LCP1: variants seen among roughly 807,000 people sequenced by gnomAD.
LCP1 encodes the protein lymphocyte cytosolic protein 1.
LCP1 carries 23 observed loss-of-function variants against 72.0 expected under a neutral mutation model. That is an observed-to-expected ratio of 0.32 (90% CI 0.23 to 0.45). LCP1 has a LOEUF of 0.45. Among genes scored for constraint, LCP1 ranks in the 20% least tolerant of loss-of-function variants. LCP1 has a pLI of 1.00. For synonymous variants in LCP1, 245 were observed against 275.4 expected, an observed-to-expected ratio of 0.89 and a Z score of 1.09; for missense variants, 571 against 748.3, an observed-to-expected ratio of 0.76 and a Z score of 2.76.
chr13:46,145,782 GC>G lies in LCP1; in HGVS notation c.1174+1125del, dbSNP rs1228859931. On this transcript the variant is annotated intron_variant, in intron 10 of 15. Transcript: ENST00000323076. ...AAATTAGCCGGGCGTAGTGGCGGGC[GC>G]CTGTAGTCCCAGCTACTTGGGAGGC... Among the ~76,000 whole-genome samples, 2 of 115,278 alleles carry G rather than the reference GC, an allele frequency of 1.7e-5. 1 individual carries two copies. Among genetic ancestry groups the G allele is most frequent in the Non-Finnish European group, 3.5e-5 (2 of 56,558 alleles). 75.6% of individuals were successfully genotyped at this position (115,278 alleles called of 152,430 possible). A position where few individuals can be genotyped will look rare whatever the true frequency, so the allele number is the denominator to read the frequency against.
At chr13:46,139,439 C>G (rs188363377) in intron 13 of LCP1, among the ~76,000 whole-genome samples, 1 of 152,256 alleles carries the variant, frequency 6.6e-6, no homozygotes, top group South Asian at 2.1e-4. Flanking sequence ...GATCTGCAGA[C>G]AGTGGCTTGG....
At chr13:46,147,130 C>A in intron 9 of LCP1, 27 bp from the exon 10 acceptor site, 1 of 1,542,744 alleles carries the variant, frequency 6.5e-7, no homozygotes, top group South Asian at 1.3e-5. Context: ...TGTCTCAGGG[C>A]TGGGTCAAGG....
chr13:46,156,161 T>G (rs763666216), intron 5 of LCP1, among the ~76,000 whole-genome samples: 57 of 152,238 alleles, frequency 3.7e-4, no homozygotes, highest in Admixed American at 6.5e-4. Context: ...TGATTAGACA[T>G]CTAATGCTTT....
intron 13 of LCP1, 49 bp from the exon 14 acceptor site, chr13:46,134,299 A>C: frequency 6.3e-7 from 1 of 1,579,148 alleles, no homozygotes; most frequent in Non-Finnish European, 8.6e-7. Flanking sequence ...TAAAGAATTT[A>C]ATATAAACAA....
Position 46,128,742 on chromosome 13 carries a change from G to T in LCP1, c.1752-1019C>A, listed in dbSNP as rs558113597. On this transcript the variant is annotated intron_variant, in intron 15 of 15. Transcript: ENST00000323076. ...TATATTCCATATTTTCACATAGAAT[G>T]ATAATAGCTGCATCAGAACATTTTT... is the stretch of plus-strand genomic sequence containing the variant. Among the ~76,000 whole-genome samples the T allele has an allele frequency of 7.2e-5, 11 of 152,266 alleles. No homozygotes were observed. The South Asian group carries it at 1.9e-3, about 26-fold the overall frequency.
intron 1 of LCP1, among the ~76,000 whole-genome samples, chr13:46,176,542 A>G (rs1474411112): frequency 2.0e-5 from 3 of 152,206 alleles, no homozygotes; most frequent in Non-Finnish European, 4.4e-5. Context: ...TACAAATAAC[A>G]TTTGTGTATC....
At chr13:46,142,832 A>G (rs1471895053) in intron 12 of LCP1, 1 of 454,936 alleles carries the variant, frequency 2.2e-6, no homozygotes, top group Non-Finnish European at 4.4e-6. Flanking sequence ...ATATTCCTGT[A>G]GCTACGCATG....
chr13:46,164,702 A>T (rs1181778160), intron 1 of LCP1, among the ~76,000 whole-genome samples: 1 of 152,228 alleles, frequency 6.6e-6, no homozygotes, highest in African/African-American at 2.4e-5. Flanking sequence ...ATATCTGGAG[A>T]GAGTCCCTTT....
chr13:46,170,924 G>A (rs2045901719), intron 1 of LCP1, among the ~76,000 whole-genome samples: 1 of 152,120 alleles, frequency 6.6e-6, no homozygotes, highest in Admixed American at 6.5e-5. Flanking sequence ...CCCCCTAGAG[G>A]AAGTGACATT....
intron 6 of LCP1, chr13:46,153,149 G>A (rs2045779633): frequency 2.1e-6 from 1 of 483,170 alleles, no homozygotes; most frequent in East Asian, 3.8e-5. Context: ...CACTCATGCA[G>A]TGGTCCATTC....
At chr13:46,149,391 A>C (rs2045749675) in intron 8 of LCP1, among the ~76,000 whole-genome samples, 1 of 152,090 alleles carries the variant, frequency 6.6e-6, no homozygotes, top group Admixed American at 6.6e-5. Flanking sequence ...CTGACTTTTC[A>C]CTGTAGCTAT....
intron 13 of LCP1, among the ~76,000 whole-genome samples, chr13:46,138,242 TA>T (rs5803331): frequency 0.27 from 41,420 of 152,088 alleles, 6,449 homozygotes; most frequent in African/African-American, 0.41. Flanking sequence ...ACAAGCCATT[TA>T]TTGTCCAGAT....
At chr13:46,139,244 C>A (rs971689297) in intron 13 of LCP1, among the ~76,000 whole-genome samples, 3 of 152,132 alleles carry the variant, frequency 2.0e-5, no homozygotes, top group African/African-American at 7.2e-5. Flanking sequence ...GTTTTCTGCA[C>A]CAGGGGAGCC....
At chr13:46,141,385 G>A (rs1485086013) in intron 13 of LCP1, among the ~76,000 whole-genome samples, 10 of 113,164 alleles carry the variant, frequency 8.8e-5, no homozygotes, top group East Asian at 7.7e-4. Flanking sequence ...CAGTCTGGGC[G>A]ACAGAGCAAG....
chr13:46,140,080 C>T (rs1394819302), intron 13 of LCP1, among the ~76,000 whole-genome samples: 2 of 152,196 alleles, frequency 1.3e-5, no homozygotes, highest in African/African-American at 4.8e-5. Flanking sequence ...AAAACCCAAA[C>T]AGCTGGCCAT....
intron 1 of LCP1, among the ~76,000 whole-genome samples, chr13:46,173,135 C>G (rs1272276758): frequency 6.6e-6 from 1 of 152,172 alleles, no homozygotes; most frequent in East Asian, 1.9e-4. Context: ...AGCTAATGTT[C>G]CTCGCTTCCT....
chr13:46,147,070 G>A lies in LCP1; in HGVS notation c.1012C>T (p.Leu338=), dbSNP rs1230731559. The change falls in exon 10 of 16, where the codon CTG becomes TTG. Residue 338 remains leucine (L), a synonymous_variant. Coordinates refer to ENST00000323076, the MANE Select transcript of LCP1 (RefSeq NM_002298.5). ...KDDIQRAECM[L]QQAERLGCRQ... ...CAGCCCAGCCTCTCCGCCTGCTGCA[G>A]CATGCATTCTGCCCTCTGGATGTCA... 3.1e-6 allele frequency: 5 copies of A among 1,610,136 alleles called. No individual in the cohort carries two copies. Among genetic ancestry groups the A allele is most frequent in the Non-Finnish European group, 4.2e-6 (5 of 1,178,274 alleles).
chr13:46,172,203 G>A (rs528274382), intron 1 of LCP1, among the ~76,000 whole-genome samples: 46 of 152,350 alleles, frequency 3.0e-4, no homozygotes, highest in African/African-American at 9.6e-4. Context: ...GCTCTGCAGG[G>A]CGAGGCATGG....
At chr13:46,136,461 G>A (rs2045665849) in intron 13 of LCP1, among the ~76,000 whole-genome samples, 1 of 152,160 alleles carries the variant, frequency 6.6e-6, no homozygotes, top group South Asian at 2.1e-4. Context: ...GGCACAGAGA[G>A]GCGGGTGAAA....
Sources: allele counts gnomAD v4.1 joint callset (sites outside exome capture counted in the v4.1 genomes callset), GRCh38; gene constraint gnomAD v4.1.1; transcripts MANE v1.5; gene names NCBI Gene and HGNC (gene_info 2026-07-23, HGNC 2026-07-21).